Variants in EPHA4 observed in about 807,000 individuals in gnomAD.
EPHA4 encodes ephrin type-A receptor 4.
A neutral mutation model predicts 108.3 loss-of-function variants in EPHA4; 19 were observed. The observed-to-expected ratio is 0.18, with a 90% CI of 0.12 to 0.26. The LOEUF is 0.26. Ranked by LOEUF, EPHA4 falls within the 10% of genes least tolerant of loss-of-function variation. EPHA4 has a pLI of 1.00. For missense variants in EPHA4, 917 were observed against 1,254.0 expected (o/e 0.73, Z 4.06); for synonymous variants, 449 against 455.5 (o/e 0.99, Z 0.18).
rs1048558537 is a variant in EPHA4, at chr2:221,419,115, C to G, written c.*2257G>C. On this transcript the variant is annotated 3_prime_UTR_variant, in exon 18 of 18. Transcript: ENST00000281821. ...ATATAAATGGCCACGGTTTCTGCAA[C>G]CACAGCTTAGGATAAGCAAGGCAGC... 1.3e-5 allele frequency: 2 copies of G among 152,556 alleles called. No individual in the cohort carries two copies. Among genetic ancestry groups the G allele is most frequent in the African/African-American group, 4.8e-5 (2 of 41,422 alleles). 9.5% of individuals were successfully genotyped at this position (152,556 alleles called of 1,614,324 possible). A position where few individuals can be genotyped will look rare whatever the true frequency, so the allele number is the denominator to read the frequency against.
chr2:221,562,139 C>T (rs931691466), intron 3 of EPHA4, among the ~76,000 whole-genome samples: 9 of 151,764 alleles, frequency 5.9e-5, no homozygotes, highest in Admixed American at 3.9e-4. Flanking sequence ...AACCAAAAAT[C>T]GAGGCCTTAA....
At chr2:221,436,680 C>T in intron 12 of EPHA4, 72 bp from the exon 13 acceptor site, 8 of 1,460,154 alleles carry the variant, frequency 5.5e-6, no homozygotes, top group Non-Finnish European at 7.6e-6. Flanking sequence ...GCATTTATTA[C>T]TTGAATCTTT....
chr2:221,476,655 G>A (rs991838186), intron 5 of EPHA4, among the ~76,000 whole-genome samples: 69 of 152,232 alleles, frequency 4.5e-4, no homozygotes, highest in African/African-American at 1.6e-3. Context: ...TAAATTGATT[G>A]CTGTAAGATT....
chr2:221,560,787 C>A (rs145822157), intron 3 of EPHA4, among the ~76,000 whole-genome samples: 223 of 152,338 alleles, frequency 1.5e-3, no homozygotes, highest in African/African-American at 5.2e-3. Context: ...GAAACATGCT[C>A]AAGGTCATCT....
At chr2:221,511,537 T>TCCG (rs1692829621) in intron 3 of EPHA4, among the ~76,000 whole-genome samples, 1 of 152,200 alleles carries the variant, frequency 6.6e-6, no homozygotes, top group Non-Finnish European at 1.5e-5. Context: ...TCACTTCCCT[T>TCCG]TTTTGTCTAT....
rs574575643 is a variant in EPHA4, at chr2:221,483,535, T to TGTGTGTGTGA, written c.980-846_980-845insTCACACACAC. 3.1e-3 allele frequency among the ~76,000 whole-genome samples: 462 copies of TGTGTGTGTGA among 150,278 alleles called. 1 individual carries two copies. The highest frequency in any genetic ancestry group is 0.014 in the South Asian group (66 of 4,684). ...GTGTGTGTGTGTGTGTGTGTGTGTGTGATGGAGTCTCGCTCTGTCACCCAG... is the reference window on the plus strand; with the variant it reads ...GTGTGTGTGTGTGTGTGTGTGTGTGTGTGTGTGTGAGATGGAGTCTCGCTCTGTCACCCAG... On this transcript the variant is annotated intron_variant, in intron 4 of 17. Transcript: ENST00000281821.
intron 3 of EPHA4, among the ~76,000 whole-genome samples, chr2:221,528,403 C>T (rs943010800): frequency 2.0e-5 from 3 of 152,130 alleles, no homozygotes; most frequent in East Asian, 1.9e-4. Flanking sequence ...CAACAAAATT[C>T]GAGCAGCCAA....
intron 4 of EPHA4, among the ~76,000 whole-genome samples, chr2:221,498,533 C>T (rs1194313965): frequency 6.6e-6 from 1 of 151,540 alleles, no homozygotes; most frequent in Non-Finnish European, 1.5e-5. Context: ...AAAGTGGCCA[C>T]GCAGAGAAAG....
chr2:221,479,743 TTATGA>T (rs1341443608), intron 5 of EPHA4, among the ~76,000 whole-genome samples: 1 of 152,254 alleles, frequency 6.6e-6, no homozygotes, highest in Non-Finnish European at 1.5e-5. Context: ...GAACTTCAAA[TTATGA>T]TAGGATAATG....
rs184801080 is a variant in EPHA4 at position 221,480,648 on chromosome 2, C to T, written c.1318+1704G>A. ...AACTAATGACTGCGAACAGTGTTCA[C>T]AACCTAAAAATTCAGAATTAAAAGA... On this transcript the variant is annotated intron_variant, in intron 5 of 17. Coordinates refer to ENST00000281821, the MANE Select transcript of EPHA4 (RefSeq NM_004438.5). 8.9e-4 allele frequency among the ~76,000 whole-genome samples: 135 copies of T among 152,270 alleles called. 5 individuals carry two copies. In the East Asian group the frequency reaches 0.015, roughly 17 times the overall value.
chr2:221,450,549 T>A (rs891364382), intron 8 of EPHA4, among the ~76,000 whole-genome samples: 1 of 152,196 alleles, frequency 6.6e-6, no homozygotes, highest in South Asian at 2.1e-4. Context: ...TATCCCAGTA[T>A]TGGAAGTCAG....
chr2:221,475,868 T>C (rs1691639709), intron 5 of EPHA4, among the ~76,000 whole-genome samples: 2 of 152,212 alleles, frequency 1.3e-5, no homozygotes, highest in African/African-American at 2.4e-5. Context: ...CCTTGGGCCA[T>C]AGCTTGCTGA....
intron 5 of EPHA4, among the ~76,000 whole-genome samples, chr2:221,468,334 G>T (rs943704486): frequency 2.0e-5 from 3 of 152,120 alleles, no homozygotes; most frequent in Non-Finnish European, 4.4e-5. Flanking sequence ...GTAAGGAAAA[G>T]GTTCATTTTT....
intron 3 of EPHA4, among the ~76,000 whole-genome samples, chr2:221,522,064 T>C (rs1693181707): frequency 6.6e-6 from 1 of 152,198 alleles, no homozygotes; most frequent in Non-Finnish European, 1.5e-5. Context: ...AACTAGCATT[T>C]ACTGAGCACT....
At chr2:221,427,037 G>A (rs1325538155) in intron 15 of EPHA4, among the ~76,000 whole-genome samples, 2 of 152,172 alleles carry the variant, frequency 1.3e-5, no homozygotes, top group African/African-American at 4.8e-5. Context: ...TGAAGGATGA[G>A]TAAGGAAAAC....
rs13424182 is a variant in EPHA4, at chr2:221,548,729, T to C, written c.823+15002A>G. Among the ~76,000 whole-genome samples the C allele has an allele frequency of 6.2e-3, 947 of 152,278 alleles. 15 individuals carry two copies. Among genetic ancestry groups the C allele is most frequent in the African/African-American group, 0.022 (895 of 41,550 alleles). The stretch of plus-strand genomic sequence containing the variant: ...GGATTGTTGGAAGAGCTTCTCCATC[T>C]TTTCTATGTTACAAGATCTTAGACC... On this transcript the variant is annotated intron_variant, in intron 3 of 17. Transcript: ENST00000281821.
intron 4 of EPHA4, among the ~76,000 whole-genome samples, chr2:221,493,562 C>A (rs1185961205): frequency 6.6e-6 from 1 of 152,212 alleles, no homozygotes; most frequent in Non-Finnish European, 1.5e-5. Context: ...CACAGTCACA[C>A]AGCACCGGTC....
chr2:221,519,536 T>G (rs1693095302), intron 3 of EPHA4, among the ~76,000 whole-genome samples: 1 of 152,220 alleles, frequency 6.6e-6, no homozygotes, highest in Non-Finnish European at 1.5e-5. Context: ...TTCAGACGAA[T>G]CCAACAGAAC....
At chr2:221,539,966 G>A (rs1462967297) in intron 3 of EPHA4, among the ~76,000 whole-genome samples, 2 of 152,076 alleles carry the variant, frequency 1.3e-5, no homozygotes, top group Non-Finnish European at 2.9e-5. Flanking sequence ...TGCCCAGGCT[G>A]GAGTGCAATA....
Sources: allele counts gnomAD v4.1 joint callset (sites outside exome capture counted in the v4.1 genomes callset), GRCh38; gene constraint gnomAD v4.1.1; transcripts MANE v1.5; gene names NCBI Gene and HGNC (gene_info 2026-07-23, HGNC 2026-07-21).